The following PACRG variants were observed in gnomAD, a reference collection of about 807,000 sequenced individuals.
PACRG encodes the protein parkin coregulated gene protein.
Under a neutral mutation model 29.7 loss-of-function variants are expected in PACRG, and 29 were observed. That is an observed-to-expected ratio of 0.98 (90% CI 0.73 to 1.33). The LOEUF is 1.33. PACRG is among the 40% of genes most tolerant of loss of function. PACRG has a pLI of 0.00. For missense variants in PACRG, 279 were observed against 316.2 expected, an observed-to-expected ratio of 0.88 and a Z score of 0.89; for synonymous variants, 116 against 118.7, an observed-to-expected ratio of 0.98 and a Z score of 0.15.
chr6:162,947,617 T>TATATATATATATATATATATATATAATC (rs1799300963), intron 2 of PACRG, among the ~76,000 whole-genome samples: 1 of 38,340 alleles, frequency 2.6e-5, no homozygotes, highest in Non-Finnish European at 4.8e-5. Context: ...TAATCATATA[T>TATATATATATATATATATATATATAATC]ATATATATAT....
intron 2 of PACRG, among the ~76,000 whole-genome samples, chr6:162,829,984 C>A (rs1236869474): frequency 6.6e-6 from 1 of 152,102 alleles, no homozygotes; most frequent in East Asian, 1.9e-4. Flanking sequence ...AAGTTAACAG[C>A]AAGAAGGGCT....
rs199733214 is a variant in PACRG at position 163,224,777 on chromosome 6, TTTG to T, written c.614-90032_614-90030del. Among the ~76,000 whole-genome samples the T allele has an allele frequency of 9.2e-5, 14 of 151,486 alleles. No individual in the cohort carries two copies. The East Asian group carries it at 1.9e-3, about 21-fold the overall frequency. ...ACTACGTGACATTGGCCTAGGTAGT[TTTG>T]TTGTTGTTGTTGTTGTTTTTGATAT... On this transcript the variant is annotated intron_variant, in intron 4 of 4. Coordinates refer to ENST00000366888, the MANE Select transcript of PACRG (RefSeq NM_001080379.2).
chr6:163,255,899 G>T (rs544744947), intron 4 of PACRG, among the ~76,000 whole-genome samples: 1 of 152,190 alleles, frequency 6.6e-6, no homozygotes, highest in African/African-American at 2.4e-5. Context: ...GCCTCCCAAA[G>T]TGCTGGGTTT....
At chr6:162,845,796 G>A (rs1312908399) in intron 2 of PACRG, among the ~76,000 whole-genome samples, 1 of 152,046 alleles carries the variant, frequency 6.6e-6, no homozygotes, top group African/African-American at 2.4e-5. Context: ...AAAATTAATT[G>A]CCAGTTTGCA....
intron 4 of PACRG, among the ~76,000 whole-genome samples, chr6:163,149,323 C>G (rs116056432): frequency 1.3e-5 from 2 of 152,138 alleles, no homozygotes. Context: ...CCGGCTCCCC[C>G]TTCCATCCTC....
chr6:163,049,238 C>T (rs1055305578), intron 2 of PACRG, among the ~76,000 whole-genome samples: 1 of 151,952 alleles, frequency 6.6e-6, no homozygotes, highest in African/African-American at 2.4e-5. Flanking sequence ...GTTAAATCTC[C>T]AATCACTGGA....
At position 162,773,640 on chromosome 6, in the gene PACRG, G is replaced by A. The variant is rs1783413028; in HGVS notation, c.157-40507G>A. Among the ~76,000 whole-genome samples the A allele has an allele frequency of 2.7e-5, 4 of 150,394 alleles. No individual in the cohort carries two copies. The South Asian group carries it at 6.3e-4, about 24-fold the overall frequency. The stretch of plus-strand genomic sequence containing the variant: ...CGCCATTCTCCTGCCTCAGCCTCCC[G>A]AGTAGCTGGGACTACAGGCGCCCGC... On this transcript the variant is annotated intron_variant, in intron 1 of 4. Transcript: ENST00000366888.
intron 4 of PACRG, among the ~76,000 whole-genome samples, chr6:163,207,843 A>G (rs758548689): frequency 7.9e-5 from 12 of 152,272 alleles, no homozygotes; most frequent in Non-Finnish European, 1.8e-4. Context: ...CAATAAAAAT[A>G]TGAATCACTG....
intron 2 of PACRG, among the ~76,000 whole-genome samples, chr6:163,027,941 C>T (rs920013943): frequency 3.9e-5 from 6 of 152,196 alleles, no homozygotes; most frequent in Non-Finnish European, 1.5e-5. Flanking sequence ...CACCAACCAC[C>T]TTCAGCACTG....
chr6:162,810,920 A>G (rs1410888994), intron 1 of PACRG, among the ~76,000 whole-genome samples: 1 of 152,230 alleles, frequency 6.6e-6, no homozygotes, highest in Non-Finnish European at 1.5e-5. Context: ...AAGAGACATG[A>G]ACCTACAGAT....
At position 162,848,965 on chromosome 6, in the gene PACRG, T is replaced by C. The variant is rs112922719; in HGVS notation, c.291+34684T>C. ...GGAAACACAAAGGAGAGAGCAACTTTAGGGGAAAGCGAGAGATTTGCAACA... is the reference window on the plus strand; with the variant it reads ...GGAAACACAAAGGAGAGAGCAACTTCAGGGGAAAGCGAGAGATTTGCAACA... On this transcript the variant is annotated intron_variant, in intron 2 of 4. Coordinates refer to ENST00000366888, the MANE Select transcript of PACRG (RefSeq NM_001080379.2). 3.9e-5 allele frequency among the ~76,000 whole-genome samples: 6 copies of C among 152,274 alleles called. 1 individual carries two copies. Among genetic ancestry groups the C allele is most frequent in the African/African-American group, 1.4e-4 (6 of 41,538 alleles).
intron 2 of PACRG, among the ~76,000 whole-genome samples, chr6:162,887,624 A>T (rs1427863177): frequency 6.6e-6 from 1 of 152,212 alleles, no homozygotes; most frequent in Non-Finnish European, 1.5e-5. Flanking sequence ...TTATCTCAGG[A>T]TGCAATATGA....
At chr6:163,050,500 A>G (rs895853054) in intron 2 of PACRG, among the ~76,000 whole-genome samples, 1 of 152,112 alleles carries the variant, frequency 6.6e-6, no homozygotes, top group Non-Finnish European at 1.5e-5. Flanking sequence ...CAATTTATCT[A>G]CTATTAGCTC....
chr6:163,248,431 C>CAAAA (rs199676766), intron 4 of PACRG, among the ~76,000 whole-genome samples: 1,238 of 109,592 alleles, frequency 0.011, 17 homozygotes, highest in African/African-American at 0.031. Context: ...ATATTTTATG[C>CAAAA]AAAAAAAAAA....
chr6:163,257,717 T>C (rs1240938464), intron 4 of PACRG, among the ~76,000 whole-genome samples: 1 of 152,250 alleles, frequency 6.6e-6, no homozygotes. Context: ...TGATGTCAAC[T>C]TATTCAAGTC....
chr6:163,201,482 A>C (rs752164425), intron 4 of PACRG, among the ~76,000 whole-genome samples: 1 of 152,198 alleles, frequency 6.6e-6, no homozygotes, highest in Non-Finnish European at 1.5e-5. Flanking sequence ...CTGCTCAGGA[A>C]TCGGGCTGTG....
At position 163,177,710 on chromosome 6, in the gene PACRG, A is replaced by ATTTTTTTT. The variant is rs398003265; in HGVS notation, c.613+88322_613+88329dup. On this transcript the variant is annotated intron_variant, in intron 4 of 4. Transcript: ENST00000366888. ...TGTTAGCTAAGAAATTAGAAAAGGG[A>ATTTTTTTT]TTTTTTTTTTTTTTTTTTTTTTTTT... Among the ~76,000 whole-genome samples the ATTTTTTTT allele has an allele frequency of 7.6e-3, 410 of 53,722 alleles. 73 individuals are homozygous for ATTTTTTTT. Among genetic ancestry groups the ATTTTTTTT allele is most frequent in the African/African-American group, 0.027 (366 of 13,696 alleles). The allele number at this position is 53,722 out of a possible 152,430, so 35.2% of individuals were successfully genotyped here.
At position 162,925,689 on chromosome 6, in the gene PACRG, C is replaced by A. The variant is rs148011434; in HGVS notation, c.291+111408C>A. Among the ~76,000 whole-genome samples the A allele has an allele frequency of 8.7e-3, 1,331 of 152,280 alleles. 21 individuals carry two copies. Among genetic ancestry groups the A allele is most frequent in the African/African-American group, 0.029 (1,226 of 41,570 alleles). On this transcript the variant is annotated intron_variant, in intron 2 of 4. Coordinates refer to ENST00000366888, the MANE Select transcript of PACRG (RefSeq NM_001080379.2). Reference sequence around the variant, plus strand: ...TAATAAGAGCTATTTATGACAAACTCACAGCCAATGTCATACTGAATGGAC... The same window carrying A: ...TAATAAGAGCTATTTATGACAAACTAACAGCCAATGTCATACTGAATGGAC...
chr6:162,892,613 G>T (rs992482886), intron 2 of PACRG, among the ~76,000 whole-genome samples: 2 of 152,122 alleles, frequency 1.3e-5, no homozygotes, highest in Non-Finnish European at 2.9e-5. Context: ...TGCTCATGCC[G>T]CATTGCCATG....
Sources: allele counts gnomAD v4.1 joint callset (sites outside exome capture counted in the v4.1 genomes callset), GRCh38; gene constraint gnomAD v4.1.1; transcripts MANE v1.5; gene names NCBI Gene and HGNC (gene_info 2026-07-23, HGNC 2026-07-21).